Variants in TOX2 observed in about 807,000 individuals in gnomAD.
TOX2 encodes TOX high mobility group box family member 2.
TOX2 carries 15 observed loss-of-function variants against 47.4 expected under a neutral mutation model. The observed-to-expected ratio is 0.32, with a 90% CI of 0.21 to 0.49. The LOEUF is 0.49. Among genes scored for constraint, TOX2 ranks in the 20% least tolerant of loss-of-function variants. TOX2 has a pLI of 0.99. For missense variants in TOX2, 622 were observed against 673.1 expected, an observed-to-expected ratio of 0.92 and a Z score of 0.84; for synonymous variants, 290 against 296.6, an observed-to-expected ratio of 0.98 and a Z score of 0.23.
chr20:44,045,067 C>G (rs906429522), intron 3 of TOX2, among the ~76,000 whole-genome samples: 3 of 152,094 alleles, frequency 2.0e-5, no homozygotes, highest in Admixed American at 1.3e-4. Context: ...AGTCATAGTT[C>G]TAGAGACAGA....
intron 1 of TOX2, among the ~76,000 whole-genome samples, chr20:43,950,268 G>A (rs1045647834): frequency 1.2e-4 from 18 of 152,208 alleles, no homozygotes; most frequent in Non-Finnish European, 1.0e-4. Flanking sequence ...GGAAGAAGCC[G>A]CAGGCCAAGC....
intron 3 of TOX2, chr20:44,039,374 G>A (rs2071296099): frequency 8.2e-7 from 1 of 1,220,830 alleles, no homozygotes. Flanking sequence ...TACATGGCTA[G>A]GCCATTGCTA....
chr20:44,028,739 T>A (rs1458763389), intron 3 of TOX2, among the ~76,000 whole-genome samples: 2 of 152,182 alleles, frequency 1.3e-5, no homozygotes, highest in African/African-American at 2.4e-5. Context: ...CCAGTCCTGG[T>A]GCTGTGGGCA....
chr20:44,005,505 T>C (rs2070662490), intron 2 of TOX2, among the ~76,000 whole-genome samples: 1 of 152,226 alleles, frequency 6.6e-6, no homozygotes, highest in Non-Finnish European at 1.5e-5. Context: ...CCAGTCACAC[T>C]TGTGAACCTG....
chr20:43,962,772 G>A (rs946014593), intron 1 of TOX2, among the ~76,000 whole-genome samples: 1 of 152,176 alleles, frequency 6.6e-6, no homozygotes, highest in Non-Finnish European at 1.5e-5. Flanking sequence ...AGCAGATAAT[G>A]ACTAGGGCAG....
chr20:43,921,289 T>A (rs2069110354), intron 1 of TOX2, among the ~76,000 whole-genome samples: 1 of 152,190 alleles, frequency 6.6e-6, no homozygotes, highest in Non-Finnish European at 1.5e-5. Context: ...TTGCCCCATG[T>A]GATTCTGTAG....
intron 1 of TOX2, among the ~76,000 whole-genome samples, chr20:43,940,563 C>T (rs569041793): frequency 6.6e-6 from 1 of 151,738 alleles, no homozygotes; most frequent in Admixed American, 6.6e-5. Context: ...ACTAATTGGC[C>T]TGGAAAATAA....
intron 2 of TOX2, among the ~76,000 whole-genome samples, chr20:43,992,355 A>G (rs1051829085): frequency 6.6e-6 from 1 of 152,182 alleles, no homozygotes; most frequent in South Asian, 2.1e-4. Flanking sequence ...GCGATCGTGT[A>G]GGAGCCAGGA....
At chr20:43,922,024 T>G (rs533291298) in intron 1 of TOX2, among the ~76,000 whole-genome samples, 2 of 152,260 alleles carry the variant, frequency 1.3e-5, no homozygotes, top group South Asian at 2.1e-4. Context: ...GCAGAGAAAT[T>G]GGTTCAAATC....
intron 3 of TOX2, among the ~76,000 whole-genome samples, chr20:44,034,889 T>G (rs1261896775): frequency 6.6e-6 from 1 of 152,252 alleles, no homozygotes. Flanking sequence ...TTAACACATG[T>G]CTGCCTGTGC....
intron 1 of TOX2, among the ~76,000 whole-genome samples, chr20:43,940,638 A>T (rs2069391223): frequency 6.6e-6 from 1 of 152,056 alleles, no homozygotes; most frequent in African/African-American, 2.4e-5. Context: ...AGGCTGAGCC[A>T]GAGTCGCAGG....
chr20:44,011,493 G>A (rs981697740), intron 3 of TOX2, among the ~76,000 whole-genome samples: 1 of 152,206 alleles, frequency 6.6e-6, no homozygotes, highest in African/African-American at 2.4e-5. Flanking sequence ...TAGAGGAAGT[G>A]TCCCCTGATG....
intron 3 of TOX2, among the ~76,000 whole-genome samples, chr20:44,008,932 C>T (rs1463685533): frequency 6.6e-6 from 1 of 152,230 alleles, no homozygotes; most frequent in Non-Finnish European, 1.5e-5. Flanking sequence ...TCTTCCCTGA[C>T]ATCTCTGGCA....
chr20:43,973,561 A>T (rs1600697956), intron 2 of TOX2, 129 bp downstream of exon 2: 1 of 744,428 alleles, frequency 1.3e-6, no homozygotes, highest in East Asian at 2.6e-5. Context: ...TCTCTGAATG[A>T]TCAAGAATAG....
intron 1 of TOX2, chr20:43,945,765 G>A: frequency 8.4e-7 from 1 of 1,186,304 alleles, no homozygotes; most frequent in Non-Finnish European, 1.2e-6. Context: ...GATAAAAGAG[G>A]TTAAATAACA....
intron 2 of TOX2, among the ~76,000 whole-genome samples, chr20:43,998,036 C>T (rs1201932240): frequency 2.0e-5 from 3 of 152,132 alleles, no homozygotes; most frequent in Non-Finnish European, 4.4e-5. Context: ...GTTCTGCAGG[C>T]TCTATAGGAG....
chr20:43,970,604 A>AGGGTC (rs2069947468), intron 1 of TOX2, among the ~76,000 whole-genome samples: 1 of 152,242 alleles, frequency 6.6e-6, no homozygotes, highest in South Asian at 2.1e-4. Context: ...TCTTCCTATT[A>AGGGTC]GGGTCTACTT....
intron 1 of TOX2, among the ~76,000 whole-genome samples, chr20:43,918,045 G>T (rs1412807643): frequency 1.6e-5 from 2 of 124,948 alleles, no homozygotes; most frequent in African/African-American, 6.0e-5. Flanking sequence ...CTGAGCCCAG[G>T]TTTGACTCCC....
Position 43,984,130 on chromosome 20 carries a change from C to CT in TOX2, c.165+10699dup, listed in dbSNP as rs151171746. Among the ~76,000 whole-genome samples the CT allele has an allele frequency of 9.6e-3, 1,460 of 152,244 alleles. 17 individuals carry two copies. Among genetic ancestry groups the CT allele is most frequent in the African/African-American group, 0.033 (1,390 of 41,526 alleles). On this transcript the variant is annotated intron_variant, in intron 2 of 8. Coordinates refer to ENST00000341197, the MANE Select transcript of TOX2 (RefSeq NM_001098797.2). ...GAGAAGGTAACAGCGGTGATTACTG[C>CT]TAAGATTACAAACAATCAAAGAGAA...
Sources: gnomAD v4.1 joint callset for allele counts (sites outside exome capture counted in the v4.1 genomes callset) on GRCh38, gnomAD v4.1.1 for gene constraint, MANE v1.5 for transcripts, NCBI Gene and HGNC (gene_info 2026-07-23, HGNC 2026-07-21) for gene names.